The following UMPS variants were observed in gnomAD, a reference collection of about 807,000 sequenced individuals.
UMPS encodes uridine 5'-monophosphate synthase.
In UMPS, 21 loss-of-function variants were observed where a neutral mutation model predicts 38.9. The observed-to-expected ratio is 0.54, with a 90% CI of 0.38 to 0.78. The LOEUF (loss-of-function observed/expected upper bound fraction) is 0.78, where lower values mean the gene tolerates loss of function less well. Among genes scored for constraint, UMPS ranks in the 30% least tolerant of loss-of-function variants. The pLI is 0.00. For missense variants in UMPS, 533 were observed against 591.6 expected (o/e 0.90, Z 1.03); for synonymous variants, 208 against 219.3 (o/e 0.95, Z 0.45).
rs1242404082 is a variant in UMPS, at chr3:124,738,073, T to C, written c.816T>C (p.Ala272=). 1.2e-6 allele frequency: 2 copies of C among 1,614,210 alleles called. No individual in the cohort carries two copies. Among genetic ancestry groups the C allele is most frequent in the East Asian group, 2.2e-5 (1 of 44,888 alleles). ...GAGAGCTGTTGCAGCTAGCAGATGC[T>C]TTAGGACCTAGTATCTGCATGCTGA... is the stretch of plus-strand genomic sequence containing the variant. ...LARELLQLAD[A]LGPSICMLKT... The change falls in exon 3 of 6, where the codon GCT becomes GCC. Residue 272 remains alanine (A), a synonymous_variant. Transcript: ENST00000232607.
In UMPS at chr3:124,747,857, A is replaced by C. The variant is rs1435188831; in HGVS notation, c.*3773A>C. The stretch of plus-strand genomic sequence containing the variant: ...TGGTCTTGTGTGAATCCTGTACTTT[A>C]ACACAGTGGACCAAGTGTCAGTCAT... On this transcript the variant is annotated 3_prime_UTR_variant, in exon 6 of 6. Transcript: ENST00000232607. The C allele has an allele frequency of 2.2e-6, 1 of 453,676 alleles. No homozygotes were observed. The highest frequency in any genetic ancestry group is 7.0e-5 in the East Asian group (1 of 14,380). The allele number at this position is 453,676 out of a possible 1,614,324, so 28.1% of individuals were successfully genotyped here.
chr3:124,733,803 G>A (rs959178279), intron 1 of UMPS: 3 of 152,312 alleles, frequency 2.0e-5, no homozygotes, highest in African/African-American at 7.2e-5. Flanking sequence ...TTGACATCTA[G>A]AGACTTATGG....
At chr3:124,741,868 T>C (rs748093924) in intron 4 of UMPS, among the ~76,000 whole-genome samples, 2 of 152,040 alleles carry the variant, frequency 1.3e-5, no homozygotes, top group Non-Finnish European at 2.9e-5. Context: ...ATAGTAACTT[T>C]ATATATATGG....
Position 124,748,617 on chromosome 3 carries a change from A to C in UMPS, c.*4533A>C, listed in dbSNP as rs1366870418. 6.6e-6 allele frequency: 3 copies of C among 453,962 alleles called. No homozygotes were observed. Among genetic ancestry groups the C allele is most frequent in the African/African-American group, 6.0e-5 (3 of 49,986 alleles). 28.1% of individuals were successfully genotyped at this position (453,962 alleles called of 1,614,324 possible). A position where few individuals can be genotyped will look rare whatever the true frequency, so the allele number is the denominator to read the frequency against. ...TGTGGGCTCTCACGTGCTGCTGCTG[A>C]ATCCCAGGGAAGGAGGGAGGAAGGG... On this transcript the variant is annotated 3_prime_UTR_variant, in exon 6 of 6. Coordinates refer to ENST00000232607, the MANE Select transcript of UMPS (RefSeq NM_000373.4).
chr3:124,736,111 A>G (rs1174139458), intron 2 of UMPS, among the ~76,000 whole-genome samples: 1 of 152,092 alleles, frequency 6.6e-6, no homozygotes. Context: ...TGTCTCTACA[A>G]AAATAAAAAA....
Position 124,737,883 on chromosome 3 carries a change from C to T in UMPS, c.626C>T (p.Ala209Val), listed in dbSNP as rs372076318. The change falls in exon 3 of 6, where the codon GCG (alanine) becomes GTG (valine). Residue 209 changes from alanine to valine, a missense_variant. Coordinates refer to ENST00000232607, the MANE Select transcript of UMPS (RefSeq NM_000373.4). ...RFIQENVFVA[A>V]NHNGSPLSIK... ...ATTCAGGAGAATGTCTTTGTGGCAGCGAATCATAATGGTTCTCCCCTTTCT... is the reference window on the plus strand; with the variant it reads ...ATTCAGGAGAATGTCTTTGTGGCAGTGAATCATAATGGTTCTCCCCTTTCT... The T allele has an allele frequency of 6.1e-5, 98 of 1,613,998 alleles. No homozygotes were observed. Among genetic ancestry groups the T allele is most frequent in the Admixed American group, 2.0e-4 (12 of 60,010 alleles).
chr3:124,735,515 C>A (rs2063511754), intron 2 of UMPS, among the ~76,000 whole-genome samples: 1 of 151,906 alleles, frequency 6.6e-6, no homozygotes, highest in Non-Finnish European at 1.5e-5. Context: ...CCAGCCCTTC[C>A]CTCATCAGCA....
chr3:124,735,013 T>G, intron 1 of UMPS, 80 bp from the exon 2 acceptor site: 1 of 1,334,100 alleles, frequency 7.5e-7, no homozygotes, highest in Non-Finnish European at 1.0e-6. Flanking sequence ...AGGGCGAGAC[T>G]CCATCTCAAA....
intron 4 of UMPS, 123 bp from the exon 5 acceptor site, chr3:124,742,029 A>C: frequency 4.9e-6 from 4 of 815,014 alleles, no homozygotes; most frequent in African/African-American, 1.7e-5. Context: ...CAGCCAGGGA[A>C]CATAGGGAGA....
intron 2 of UMPS, among the ~76,000 whole-genome samples, chr3:124,737,008 T>G (rs1416547043): frequency 6.6e-6 from 1 of 152,258 alleles, no homozygotes; most frequent in South Asian, 2.1e-4. Flanking sequence ...TCTTGAATAG[T>G]GAACTTAAAA....
At position 124,745,783 on chromosome 3, in the gene UMPS, GTTGGAGTGATATGTTGAGAGGCCT is replaced by G. The variant is rs1371715025; in HGVS notation, c.*1710_*1733del. ...CAGGAATCTCTTAGGTGTCTTCAGT[GTTGGAGTGATATGTTGAGAGGCCT>G]TTGGAGTGATGTGCTGAGGTCTCAG... On this transcript the variant is annotated 3_prime_UTR_variant, in exon 6 of 6. Transcript: ENST00000232607. 2.2e-6 allele frequency: 1 copy of G among 454,122 alleles called. No individual in the cohort carries two copies. Among genetic ancestry groups the G allele is most frequent in the African/African-American group, 2.0e-5 (1 of 50,140 alleles). 28.1% of individuals were successfully genotyped at this position (454,122 alleles called of 1,614,324 possible).
In UMPS at chr3:124,745,368, A is replaced by AT. The variant is rs11330991; in HGVS notation, c.*1299dup. 15,524 of 432,094 alleles carry AT rather than the reference A, an allele frequency of 0.036. 687 individuals are homozygous for AT. Among genetic ancestry groups the AT allele is most frequent in the African/African-American group, 0.18 (8,372 of 47,428 alleles). 26.8% of individuals were successfully genotyped at this position (432,094 alleles called of 1,614,324 possible). On this transcript the variant is annotated 3_prime_UTR_variant, in exon 6 of 6. Coordinates refer to ENST00000232607, the MANE Select transcript of UMPS (RefSeq NM_000373.4). Reference sequence around the variant, plus strand: ...TTAATGACTCAGAGGAATGCCTAGGATTTTTTTTTTTTTTTGAGACAGAAT... The same window carrying AT: ...TTAATGACTCAGAGGAATGCCTAGGATTTTTTTTTTTTTTTTGAGACAGAAT...
rs1397894185 is a variant in UMPS, at chr3:124,749,172, C to T, written c.*5088C>T. The T allele has an allele frequency of 2.2e-6, 1 of 453,870 alleles. No individual in the cohort carries two copies. Among genetic ancestry groups the T allele is most frequent in the African/African-American group, 2.0e-5 (1 of 49,950 alleles). The allele number at this position is 453,870 out of a possible 1,614,324, so 28.1% of individuals were successfully genotyped here. Reference sequence around the variant, plus strand: ...CTAGCAATGTTGTTTTCTGCCACAACTTGAATAGATACTTGAAGCAGAGAT... The same window carrying T: ...CTAGCAATGTTGTTTTCTGCCACAATTTGAATAGATACTTGAAGCAGAGAT... On this transcript the variant is annotated 3_prime_UTR_variant, in exon 6 of 6. Coordinates refer to ENST00000232607, the MANE Select transcript of UMPS (RefSeq NM_000373.4).
At chr3:124,742,123 TATA>T (rs2063561316) in intron 4 of UMPS, 26 bp from the exon 5 acceptor site, 2 of 1,500,244 alleles carry the variant, frequency 1.3e-6, no homozygotes, top group Non-Finnish European at 9.3e-7. Context: ...ACTGTTTTCT[TATA>T]ATATGTCCTA....
chr3:124,736,234 C>G (rs2063517250), intron 2 of UMPS, among the ~76,000 whole-genome samples: 1 of 152,022 alleles, frequency 6.6e-6, no homozygotes, highest in Non-Finnish European at 1.5e-5. Flanking sequence ...CTGCACTGCA[C>G]CCTGGGTGAC....
rs1486034693 is a variant in UMPS, at chr3:124,735,120, C to G, written c.184C>G (p.Gln62Glu). ...QVADILFQTA[Q>E]NAGISFDTVC... The stretch of plus-strand genomic sequence containing the variant: ...TGCAGATATTTTATTCCAAACTGCC[C>G]AAAATGCAGGCATCAGTTTTGACAC... The change falls in exon 2 of 6, where the codon CAA (glutamine) becomes GAA (glutamate). Residue 62 changes from glutamine to glutamate, a missense_variant. Gln to Glu is a conservative substitution (Grantham distance 29). Transcript: ENST00000232607. 2 of 1,613,920 alleles carry G rather than the reference C, an allele frequency of 1.2e-6. No individual in the cohort carries two copies. The highest frequency in any genetic ancestry group is 2.7e-5 in the African/African-American group (2 of 75,018).
chr3:124,732,656 G>T (rs962746759), intron 1 of UMPS: 1 of 154,528 alleles, frequency 6.5e-6, no homozygotes, highest in African/African-American at 2.4e-5. Context: ...TATCATATTG[G>T]ACTGCAAAGA....
rs1390020222 is a variant in UMPS, at chr3:124,744,450, T to C, written c.*366T>C. On this transcript the variant is annotated 3_prime_UTR_variant, in exon 6 of 6. Transcript: ENST00000232607. ...TTTTTTTCGAGACAGGATCTCACTCTGTTGCCCAGGATGGAGTGCAGTGGT... is the reference window on the plus strand; with the variant it reads ...TTTTTTTCGAGACAGGATCTCACTCCGTTGCCCAGGATGGAGTGCAGTGGT... 1 of 454,728 alleles carries C rather than the reference T, an allele frequency of 2.2e-6. No individual in the cohort carries two copies. The allele number at this position is 454,728 out of a possible 1,614,324, so 28.2% of individuals were successfully genotyped here.
chr3:124,738,224 A>T lies in UMPS; in HGVS notation c.967A>T (p.Lys323Ter), dbSNP rs776346236. The T allele has an allele frequency of 6.2e-7, 1 of 1,613,894 alleles. No homozygotes were observed. Residue 323 changes from lysine (K) to a stop codon, truncating the protein, a stop_gained, in exon 3 of 6, where the codon AAA (lysine) becomes TAA (stop). Coordinates refer to ENST00000232607, the MANE Select transcript of UMPS (RefSeq NM_000373.4). LOFTEE classifies it high-confidence loss of function. ...RKFADIGNTV[K>*]KQYEGGIFKI... ...GTTTGCAGATATAGGAAACACAGTG[A>T]AAAAGCAGTATGAAGGTAAGTGTAT...
Sources: allele counts gnomAD v4.1 joint callset (sites outside exome capture counted in the v4.1 genomes callset), GRCh38; gene constraint gnomAD v4.1.1; transcripts MANE v1.5; gene names NCBI Gene and HGNC (gene_info 2026-07-23, HGNC 2026-07-21).